The following PLXDC2 variants were observed in gnomAD, a reference collection of about 807,000 sequenced individuals.
PLXDC2 encodes plexin domain-containing protein 2.
PLXDC2 carries 40 observed loss-of-function variants against 68.9 expected under a neutral mutation model. The observed-to-expected ratio is 0.58, with a 90% CI of 0.45 to 0.76. The LOEUF is 0.76. Among genes scored for constraint, PLXDC2 ranks in the 30% least tolerant of loss-of-function variants. The probability of loss-of-function intolerance (pLI) is 0.00; values close to 1 mark genes in which losing one functional copy is unlikely to be tolerated. For missense variants in PLXDC2, 644 were observed against 661.9 expected (o/e 0.97, Z 0.30); for synonymous variants, 243 against 234.2 (o/e 1.04, Z -0.34).
chr10:20,090,611 G>A (rs1300173901), intron 4 of PLXDC2, among the ~76,000 whole-genome samples: 1 of 152,096 alleles, frequency 6.6e-6, no homozygotes, highest in Non-Finnish European at 1.5e-5. Flanking sequence ...CCAGTAGAGT[G>A]ATTCCTTAGC....
intron 1 of PLXDC2, among the ~76,000 whole-genome samples, chr10:19,924,486 C>G (rs1417398433): frequency 6.6e-6 from 1 of 152,140 alleles, no homozygotes; most frequent in African/African-American, 2.4e-5. Context: ...TGAGCGAAGG[C>G]CTTGATTCCT....
chr10:19,880,078 A>G (rs1394483764), intron 1 of PLXDC2, among the ~76,000 whole-genome samples: 1 of 152,228 alleles, frequency 6.6e-6, no homozygotes, highest in Non-Finnish European at 1.5e-5. Context: ...AACACAATGT[A>G]TGATAATCAG....
intron 9 of PLXDC2, among the ~76,000 whole-genome samples, chr10:20,208,139 T>A (rs1835017864): frequency 6.9e-6 from 1 of 145,876 alleles, no homozygotes. Flanking sequence ...ATAATTAACA[T>A]GGATTTTTGT....
At chr10:20,138,805 C>G (rs1275938874) in intron 4 of PLXDC2, among the ~76,000 whole-genome samples, 1 of 151,996 alleles carries the variant, frequency 6.6e-6, no homozygotes, top group African/African-American at 2.4e-5. Flanking sequence ...CCCAGCCACT[C>G]AGGAGGCTGA....
At chr10:20,018,711 C>T (rs1835253628) in intron 2 of PLXDC2, among the ~76,000 whole-genome samples, 1 of 150,934 alleles carries the variant, frequency 6.6e-6, no homozygotes, top group African/African-American at 2.4e-5. Flanking sequence ...TTTTTTTCTT[C>T]TTTTTTTTTA....
intron 4 of PLXDC2, among the ~76,000 whole-genome samples, chr10:20,079,481 C>T (rs939094187): frequency 1.3e-5 from 2 of 152,124 alleles, no homozygotes; most frequent in Non-Finnish European, 2.9e-5. Flanking sequence ...TCTACATAAA[C>T]ATGAATGTTT....
intron 4 of PLXDC2, among the ~76,000 whole-genome samples, chr10:20,128,943 A>G (rs1833828636): frequency 6.6e-6 from 1 of 152,218 alleles, no homozygotes; most frequent in Non-Finnish European, 1.5e-5. Context: ...TGCAATGAAC[A>G]TGGAAGTTCT....
At chr10:20,121,794 G>T (rs1031538831) in intron 4 of PLXDC2, among the ~76,000 whole-genome samples, 3 of 152,174 alleles carry the variant, frequency 2.0e-5, no homozygotes, top group Non-Finnish European at 4.4e-5. Context: ...CTGGTTTTAG[G>T]ACAGGTAAAA....
chr10:20,234,860 G>C (rs1835413213), intron 12 of PLXDC2, among the ~76,000 whole-genome samples: 1 of 151,980 alleles, frequency 6.6e-6, no homozygotes, highest in Non-Finnish European at 1.5e-5. Flanking sequence ...TCACACACAG[G>C]CTAAATGAAT....
At position 20,165,145 on chromosome 10, in the gene PLXDC2, G is replaced by A. The variant is rs533085895; in HGVS notation, c.883+578G>A. Reference sequence around the variant, plus strand: ...GCCAGATTCTTTGGGATAGTTGGCAGATACAGTTCTTTTATTAATGAGAAT... The same window carrying A: ...GCCAGATTCTTTGGGATAGTTGGCAAATACAGTTCTTTTATTAATGAGAAT... On this transcript the variant is annotated intron_variant, in intron 7 of 13. Coordinates refer to ENST00000377252, the MANE Select transcript of PLXDC2 (RefSeq NM_032812.9). Among the ~76,000 whole-genome samples the A allele has an allele frequency of 3.2e-4, 48 of 152,248 alleles. 1 individual carries two copies. In the South Asian group the frequency reaches 8.5e-3, roughly 27 times the overall value.
intron 4 of PLXDC2, 38 bp downstream of exon 4, chr10:20,068,277 T>C (rs768385311): frequency 2.0e-6 from 3 of 1,466,416 alleles, no homozygotes; most frequent in Non-Finnish European, 1.9e-6. Context: ...AAGTAATCTA[T>C]GGTTTGACTG....
chr10:20,015,362 G>C (rs978101368), intron 2 of PLXDC2, among the ~76,000 whole-genome samples: 1 of 152,126 alleles, frequency 6.6e-6, no homozygotes, highest in Non-Finnish European at 1.5e-5. Flanking sequence ...ACGTGTCTGT[G>C]TGTTTGTGTG....
chr10:20,209,181 A>G (rs952382449), intron 9 of PLXDC2, among the ~76,000 whole-genome samples: 1 of 152,156 alleles, frequency 6.6e-6, no homozygotes, highest in African/African-American at 2.4e-5. Flanking sequence ...GAATTTCCTC[A>G]TCCTAATAAG....
At chr10:19,891,464 A>C (rs1227729539) in intron 1 of PLXDC2, among the ~76,000 whole-genome samples, 2 of 152,168 alleles carry the variant, frequency 1.3e-5, no homozygotes, top group African/African-American at 4.8e-5. Context: ...ATTGTGCTAT[A>C]GAGTTTTGAA....
intron 1 of PLXDC2, among the ~76,000 whole-genome samples, chr10:19,838,521 T>C (rs1225289957): frequency 6.6e-6 from 1 of 152,200 alleles, no homozygotes; most frequent in Non-Finnish European, 1.5e-5. Flanking sequence ...CTTAAATTTA[T>C]GAAGGTGTTG....
chr10:20,071,626 C>T (rs565150046), intron 4 of PLXDC2, among the ~76,000 whole-genome samples: 1 of 152,304 alleles, frequency 6.6e-6, no homozygotes, highest in South Asian at 2.1e-4. Context: ...CCATGTACAA[C>T]TGTGAGTCCA....
chr10:20,268,889 A>G (rs1017290168), intron 13 of PLXDC2, among the ~76,000 whole-genome samples: 6 of 152,194 alleles, frequency 3.9e-5, no homozygotes, highest in Non-Finnish European at 7.3e-5. Flanking sequence ...TCTTTAGAGT[A>G]GATTGCCTAA....
chr10:20,169,316 A>G (rs1021568612), intron 7 of PLXDC2, among the ~76,000 whole-genome samples: 8 of 152,178 alleles, frequency 5.3e-5, no homozygotes, highest in African/African-American at 1.9e-4. Context: ...GAGCTTTCTA[A>G]TATTCATTTT....
chr10:20,036,053 A>G (rs1157164233), intron 2 of PLXDC2, among the ~76,000 whole-genome samples: 2 of 152,158 alleles, frequency 1.3e-5, no homozygotes, highest in African/African-American at 4.8e-5. Flanking sequence ...AGAAAATGAC[A>G]TGAGTTTTTG....
Sources: gnomAD v4.1 joint callset for allele counts (sites outside exome capture counted in the v4.1 genomes callset) on GRCh38, gnomAD v4.1.1 for gene constraint, MANE v1.5 for transcripts, NCBI Gene and HGNC (gene_info 2026-07-23, HGNC 2026-07-21) for gene names.